SH3RF2: variants seen among roughly 807,000 people sequenced by gnomAD.
The protein encoded by SH3RF2 is E3 ubiquitin-protein ligase SH3RF2.
A neutral mutation model predicts 59.0 loss-of-function variants in SH3RF2; 43 were observed. The ratio of observed to expected loss-of-function variants is 0.73; its 90% CI spans 0.57 to 0.94. The LOEUF (loss-of-function observed/expected upper bound fraction) is 0.94. Among genes scored for constraint, SH3RF2 ranks in the 40% least tolerant of loss-of-function variants. The pLI is 0.00. For synonymous variants in SH3RF2, 391 were observed against 391.5 expected, an observed-to-expected ratio of 1.00 and a Z score of 0.01; for missense variants, 930 against 940.1, an observed-to-expected ratio of 0.99 and a Z score of 0.14.
chr5:146,035,105 CA>C (rs34472730), intron 5 of SH3RF2, among the ~76,000 whole-genome samples: 48,714 of 135,162 alleles, frequency 0.36, 8,231 homozygotes, highest in Non-Finnish European at 0.41. Flanking sequence ...GACTCTGTTT[CA>C]AAAAAAAAAA....
intron 5 of SH3RF2, among the ~76,000 whole-genome samples, chr5:146,015,215 A>G (rs1341693483): frequency 6.6e-6 from 1 of 152,166 alleles, no homozygotes; most frequent in Admixed American, 6.5e-5. Flanking sequence ...AAGGAAAACA[A>G]TCACCTCCTA....
intron 5 of SH3RF2, among the ~76,000 whole-genome samples, chr5:146,023,458 C>T (rs753366836): frequency 2.8e-4 from 43 of 152,296 alleles, no homozygotes; most frequent in Non-Finnish European, 2.9e-4. Context: ...ATCCACCCGC[C>T]TCGGCCTCCC....
intron 2 of SH3RF2, among the ~76,000 whole-genome samples, chr5:145,969,932 G>A (rs1374343604): frequency 6.6e-6 from 1 of 151,816 alleles, no homozygotes; most frequent in African/African-American, 2.4e-5. Flanking sequence ...ATTTTCCCTG[G>A]GCTCTGCATT....
intron 7 of SH3RF2, among the ~76,000 whole-genome samples, chr5:146,051,150 G>A (rs1202800804): frequency 1.3e-5 from 2 of 152,136 alleles, no homozygotes; most frequent in Admixed American, 1.3e-4. Flanking sequence ...CAGGAGAATC[G>A]CTTCAACTGG....
Position 145,946,780 on chromosome 5 carries a change from A to C in SH3RF2, c.378+8474A>C, listed in dbSNP as rs566084195. Among the ~76,000 whole-genome samples, 10 of 152,238 alleles carry C rather than the reference A, an allele frequency of 6.6e-5. No individual in the cohort carries two copies. In the South Asian group the frequency reaches 1.9e-3, roughly 28 times the overall value. On this transcript the variant is annotated intron_variant, in intron 2 of 9. Transcript: ENST00000359120. ...AGAGAAACACTTCATCTTAACTGAC[A>C]CTTAGTCATAGGGATACCAGTGACA...
intron 4 of SH3RF2, among the ~76,000 whole-genome samples, chr5:146,012,405 A>T (rs1040463822): frequency 5.3e-5 from 8 of 152,082 alleles, no homozygotes; most frequent in Non-Finnish European, 1.2e-4. Flanking sequence ...ATTCCCTCTT[A>T]TTCTATTGAT....
At chr5:146,061,703 G>C (rs930729711) in intron 9 of SH3RF2, among the ~76,000 whole-genome samples, 3 of 152,192 alleles carry the variant, frequency 2.0e-5, no homozygotes, top group Non-Finnish European at 4.4e-5. Flanking sequence ...TGAAAGGAAA[G>C]AGGAAGAGGG....
Position 146,047,872 on chromosome 5 carries a change from A to G in SH3RF2, c.1151+9A>G, listed in dbSNP as rs898341817. 14 of 1,613,480 alleles carry G rather than the reference A, an allele frequency of 8.7e-6. No homozygotes were observed. The highest frequency in any genetic ancestry group is 1.1e-5 in the Non-Finnish European group (13 of 1,179,714). ...CACCTCTCAGCGAACATGTGAGTAA[A>G]AGGCTCATCCCTTCACCCAAGTCCT... On this transcript the variant is annotated intron_variant, in intron 6 of 9. Coordinates refer to ENST00000359120, the MANE Select transcript of SH3RF2 (RefSeq NM_152550.4).
At chr5:146,048,190 A>G (rs1286213278) in intron 6 of SH3RF2, among the ~76,000 whole-genome samples, 1 of 151,716 alleles carries the variant, frequency 6.6e-6, no homozygotes, top group African/African-American at 2.4e-5. Context: ...TTGTGCACAT[A>G]TATTTTCCTA....
chr5:146,018,540 TTATC>T (rs1273878962), intron 5 of SH3RF2, among the ~76,000 whole-genome samples: 1 of 152,058 alleles, frequency 6.6e-6, no homozygotes, highest in Non-Finnish European at 1.5e-5. Context: ...CACATTTTCT[TTATC>T]CATTCAACAG....
chr5:145,940,435 G>C (rs1757774260), intron 2 of SH3RF2, among the ~76,000 whole-genome samples: 1 of 151,912 alleles, frequency 6.6e-6, no homozygotes, highest in African/African-American at 2.4e-5. Context: ...TATCTTTTTT[G>C]CAACCATGAA....
chr5:145,987,360 CA>C (rs1402234153), intron 2 of SH3RF2, among the ~76,000 whole-genome samples: 1 of 152,170 alleles, frequency 6.6e-6, no homozygotes, highest in Non-Finnish European at 1.5e-5. Flanking sequence ...CCGAAGCCCC[CA>C]AAGTCTATTG....
chr5:146,048,489 G>T (rs992042597), intron 6 of SH3RF2, among the ~76,000 whole-genome samples: 1 of 152,146 alleles, frequency 6.6e-6, no homozygotes, highest in Non-Finnish European at 1.5e-5. Flanking sequence ...AATACATGTT[G>T]TTTAGTAAAC....
chr5:146,060,256 C>G (rs918889084), intron 9 of SH3RF2, 32 bp downstream of exon 9: 10 of 1,552,728 alleles, frequency 6.4e-6, no homozygotes, highest in Non-Finnish European at 8.7e-6. Flanking sequence ...GGGCCCAACT[C>G]TTTCGATCCC....
intron 5 of SH3RF2, among the ~76,000 whole-genome samples, chr5:146,027,291 G>A (rs1761562459): frequency 6.6e-6 from 1 of 152,198 alleles, no homozygotes; most frequent in African/African-American, 2.4e-5. Flanking sequence ...GTCAAAGATA[G>A]AGACTGAGGC....
chr5:145,980,797 T>C (rs1173951494), intron 2 of SH3RF2, among the ~76,000 whole-genome samples: 1 of 152,198 alleles, frequency 6.6e-6, no homozygotes, highest in African/African-American at 2.4e-5. Flanking sequence ...TAAGTATTTC[T>C]AAATATAAAA....
chr5:146,036,078 A>G (rs1181983357), intron 5 of SH3RF2, among the ~76,000 whole-genome samples: 3 of 152,190 alleles, frequency 2.0e-5, no homozygotes, highest in Non-Finnish European at 4.4e-5. Context: ...AATTACTGCC[A>G]AACAGTTACT....
intron 2 of SH3RF2, among the ~76,000 whole-genome samples, chr5:145,961,874 A>C (rs1758644201): frequency 6.6e-6 from 1 of 152,182 alleles, no homozygotes; most frequent in Non-Finnish European, 1.5e-5. Context: ...AGTTAGTTTC[A>C]TGGGGATTTG....
intron 4 of SH3RF2, 102 bp from the exon 5 acceptor site, chr5:146,013,645 G>A: frequency 8.2e-7 from 1 of 1,225,506 alleles, no homozygotes; most frequent in Middle Eastern, 1.9e-4. Flanking sequence ...CAGTGACTGA[G>A]GAGGTGGCAC....
Sources: gnomAD v4.1 joint callset for allele counts (sites outside exome capture counted in the v4.1 genomes callset) on GRCh38, gnomAD v4.1.1 for gene constraint, MANE v1.5 for transcripts, NCBI Gene and HGNC (gene_info 2026-07-23, HGNC 2026-07-21) for gene names.